GNA14: variants seen among roughly 807,000 people sequenced by gnomAD.
GNA14 encodes G protein subunit alpha 14.
A neutral mutation model predicts 42.0 loss-of-function variants in GNA14; 50 were observed. The ratio of observed to expected loss-of-function variants is 1.19; its 90% CI spans 0.95 to 1.51. The LOEUF (loss-of-function observed/expected upper bound fraction) is 1.51. Among genes scored for constraint, GNA14 ranks in the 40% most tolerant of loss-of-function variants. The pLI, the probability that GNA14 is intolerant of heterozygous loss-of-function variation, is 0.00. For missense variants in GNA14, 473 were observed against 446.2 expected (o/e 1.06, Z -0.54); for synonymous variants, 173 against 163.1 (o/e 1.06, Z -0.46).
chr9:77,598,787 G>A (rs887560182), intron 1 of GNA14, among the ~76,000 whole-genome samples: 3 of 152,100 alleles, frequency 2.0e-5, no homozygotes, highest in Non-Finnish European at 4.4e-5. Context: ...CCTTCCAGCT[G>A]TCTACACTCC....
chr9:77,472,788 A>ATATC (rs1836354690), intron 2 of GNA14, among the ~76,000 whole-genome samples: 2 of 142,102 alleles, frequency 1.4e-5, no homozygotes, highest in African/African-American at 2.6e-5. Flanking sequence ...ACATGACATG[A>ATATC]TCTCTCTCTC....
intron 2 of GNA14, among the ~76,000 whole-genome samples, chr9:77,525,468 G>C (rs1261307975): frequency 6.6e-6 from 1 of 152,154 alleles, no homozygotes; most frequent in East Asian, 1.9e-4. Flanking sequence ...GAGGAGACGG[G>C]AGGTACAATG....
In GNA14 at chr9:77,498,373, CAAAAAAAA is replaced by C. The variant is rs766816001; in HGVS notation, c.309+30688_309+30695del. Among the ~76,000 whole-genome samples, 36 of 54,124 alleles carry C rather than the reference CAAAAAAAA, an allele frequency of 6.7e-4. 1 individual carries two copies. In the East Asian group the frequency reaches 0.02, roughly 30 times the overall value. The allele number at this position is 54,124 out of a possible 152,430, so 35.5% of individuals were successfully genotyped here. A position where few individuals can be genotyped will look rare whatever the true frequency, so the allele number is the denominator to read the frequency against. ...GGGCAACAAGAGCAAAAGTCTGTCT[CAAAAAAAA>C]AAAAAAAGAAAAAAAAGAAAAAGAA... is the stretch of plus-strand genomic sequence containing the variant. On this transcript the variant is annotated intron_variant, in intron 2 of 6. Coordinates refer to ENST00000341700, the MANE Select transcript of GNA14 (RefSeq NM_004297.4).
chr9:77,506,386 T>C (rs2131746676), intron 2 of GNA14, among the ~76,000 whole-genome samples: 1 of 151,638 alleles, frequency 6.6e-6, no homozygotes, highest in South Asian at 2.1e-4. Context: ...TGTAAAAAAT[T>C]ATTCATGAGA....
chr9:77,449,787 C>T (rs932441598), intron 2 of GNA14, among the ~76,000 whole-genome samples: 2 of 152,166 alleles, frequency 1.3e-5, no homozygotes, highest in African/African-American at 2.4e-5. Flanking sequence ...CAGGTATAGC[C>T]GAGGCTGAGC....
At chr9:77,442,067 G>C (rs1835745375) in intron 2 of GNA14, among the ~76,000 whole-genome samples, 1 of 152,180 alleles carries the variant, frequency 6.6e-6, no homozygotes, top group South Asian at 2.1e-4. Flanking sequence ...AAATATGCTT[G>C]AAAGTAGTAG....
At chr9:77,582,104 C>T (rs1327348726) in intron 1 of GNA14, among the ~76,000 whole-genome samples, 2 of 152,222 alleles carry the variant, frequency 1.3e-5, no homozygotes, top group African/African-American at 4.8e-5. Context: ...CAACCTGGAT[C>T]ATGTGTCCTA....
At chr9:77,557,977 C>T (rs1185368633) in intron 1 of GNA14, among the ~76,000 whole-genome samples, 1 of 152,132 alleles carries the variant, frequency 6.6e-6, no homozygotes, top group Non-Finnish European at 1.5e-5. Context: ...CATTTAGAAC[C>T]ACAACCCTGG....
chr9:77,549,578 T>C (rs984967624), intron 1 of GNA14, among the ~76,000 whole-genome samples: 1 of 152,178 alleles, frequency 6.6e-6, no homozygotes, highest in African/African-American at 2.4e-5. Context: ...AAAATAGCTT[T>C]GTATTTTGTA....
chr9:77,631,447 C>T (rs1463544435), intron 1 of GNA14, among the ~76,000 whole-genome samples: 4 of 132,962 alleles, frequency 3.0e-5, no homozygotes, highest in Non-Finnish European at 1.6e-5. Flanking sequence ...GTCTCTGCCA[C>T]AAATATGCCA....
At chr9:77,468,835 C>T (rs1254859029) in intron 2 of GNA14, among the ~76,000 whole-genome samples, 2 of 152,212 alleles carry the variant, frequency 1.3e-5, no homozygotes, top group Admixed American at 6.5e-5. Context: ...GGACATGTTG[C>T]GTGAGCAAGA....
chr9:77,545,378 G>C (rs1837707210), intron 1 of GNA14, among the ~76,000 whole-genome samples: 1 of 152,214 alleles, frequency 6.6e-6, no homozygotes, highest in Non-Finnish European at 1.5e-5. Context: ...GGAAAGCTAA[G>C]AAGTCATTCT....
intron 2 of GNA14, among the ~76,000 whole-genome samples, chr9:77,434,816 G>A (rs1037992821): frequency 1.3e-5 from 2 of 152,140 alleles, no homozygotes; most frequent in Non-Finnish European, 2.9e-5. Context: ...ACAACACCCA[G>A]TGGTGAATAA....
At chr9:77,609,310 G>T (rs1446827188) in intron 1 of GNA14, among the ~76,000 whole-genome samples, 2 of 152,092 alleles carry the variant, frequency 1.3e-5, no homozygotes, top group African/African-American at 4.8e-5. Flanking sequence ...GACCTCACCA[G>T]AACCGCTTTT....
chr9:77,460,866 T>A (rs1381973632), intron 2 of GNA14, among the ~76,000 whole-genome samples: 3 of 152,186 alleles, frequency 2.0e-5, no homozygotes, highest in Non-Finnish European at 4.4e-5. Context: ...GACTTTGTTT[T>A]TTTGTAAATT....
At chr9:77,604,730 G>A (rs1380372316) in intron 1 of GNA14, among the ~76,000 whole-genome samples, 1 of 152,148 alleles carries the variant, frequency 6.6e-6, no homozygotes, top group African/African-American at 2.4e-5. Flanking sequence ...CTGGGTTTCT[G>A]CACATGTAGA....
intron 1 of GNA14, among the ~76,000 whole-genome samples, chr9:77,545,017 T>C (rs1010368447): frequency 2.6e-5 from 4 of 152,078 alleles, no homozygotes; most frequent in African/African-American, 7.2e-5. Context: ...AAAAGTTTGG[T>C]TTTGCTTATG....
chr9:77,450,189 C>G (rs1425450266), intron 2 of GNA14, among the ~76,000 whole-genome samples: 1 of 152,162 alleles, frequency 6.6e-6, no homozygotes. Flanking sequence ...TCTTCATGGT[C>G]ATGGTCTTGA....
At chr9:77,462,295 G>A (rs1316718664) in intron 2 of GNA14, among the ~76,000 whole-genome samples, 2 of 152,172 alleles carry the variant, frequency 1.3e-5, no homozygotes, top group Non-Finnish European at 2.9e-5. Flanking sequence ...CGGGGCTCAG[G>A]GCAGGTTGCT....
Sources: allele counts gnomAD v4.1 joint callset (sites outside exome capture counted in the v4.1 genomes callset), GRCh38; gene constraint gnomAD v4.1.1; transcripts MANE v1.5; gene names NCBI Gene and HGNC (gene_info 2026-07-23, HGNC 2026-07-21).